LIMCH1: variants seen among roughly 807,000 people sequenced by gnomAD.
LIMCH1 encodes the protein LIM and calponin homology domains 1, also known as LIM and calponin homology domains-containing protein 1.
Under a neutral mutation model 176.5 loss-of-function variants are expected in LIMCH1, and 113 were observed. That is an observed-to-expected ratio of 0.64 (90% CI 0.55 to 0.75). The LOEUF is 0.75. Among genes scored for constraint, LIMCH1 ranks in the 30% least tolerant of loss-of-function variants. The pLI, the probability that LIMCH1 is intolerant of heterozygous loss-of-function variation, is 0.00. For missense variants in LIMCH1, 1,674 were observed against 1,814.9 expected (o/e 0.92, Z 1.41); for synonymous variants, 619 against 645.9 (o/e 0.96, Z 0.63).
chr4:41,666,808 T>C (rs1036292847), intron 21 of LIMCH1, 142 bp downstream of exon 21: 3 of 621,106 alleles, frequency 4.8e-6, no homozygotes, highest in Non-Finnish European at 8.5e-6. Context: ...GATAGCTGAA[T>C]TTATGACTTC....
At chr4:41,508,050 T>C (rs2074395455) in intron 2 of LIMCH1, among the ~76,000 whole-genome samples, 1 of 152,066 alleles carries the variant, frequency 6.6e-6, no homozygotes, top group Non-Finnish European at 1.5e-5. Context: ...AAGAATAACA[T>C]GATTGAAAAC....
Position 41,692,268 on chromosome 4 carries a change from TTTTTACCCTATAGTGTGGAA to T in LIMCH1, c.4276-10_4285del. On this transcript the variant is annotated splice_acceptor_variant and splice_polypyrimidine_tract_variant and coding_sequence_variant and intron_variant, in exon 31 of 32. Transcript: ENST00000503057. LOFTEE classifies it high-confidence loss of function. ...CTTATGCATCTTATGATGTCTGTTC[TTTTTACCCTATAGTGTGGAA>T]TTTGTAAAGGCCAGCTTGGAGATGC... 1 of 1,519,500 alleles carries T rather than the reference TTTTTACCCTATAGTGTGGAA, an allele frequency of 6.6e-7. No individual in the cohort carries two copies. The highest frequency in any genetic ancestry group is 9.1e-7 in the Non-Finnish European group (1 of 1,093,852). 94.1% of individuals were successfully genotyped at this position (1,519,500 alleles called of 1,614,324 possible). A position where few individuals can be genotyped will look rare whatever the true frequency, so the allele number is the denominator to read the frequency against.
chr4:41,446,747 A>C (rs2063329033), intron 1 of LIMCH1, among the ~76,000 whole-genome samples: 1 of 152,240 alleles, frequency 6.6e-6, no homozygotes, highest in Admixed American at 6.5e-5. Context: ...AAATGATAAA[A>C]GTCCTTAATA....
At chr4:41,630,551 G>A (rs1474191037) in intron 9 of LIMCH1, among the ~76,000 whole-genome samples, 3 of 152,168 alleles carry the variant, frequency 2.0e-5, no homozygotes, top group East Asian at 3.9e-4. Context: ...AGAGATGTTA[G>A]AATTGATGTT....
rs1731944733 is a variant in LIMCH1, at chr4:41,698,691, A to G, written c.*1506A>G. On this transcript the variant is annotated 3_prime_UTR_variant, in exon 32 of 32. Coordinates refer to ENST00000503057, the MANE Select transcript of LIMCH1 (RefSeq NM_001330672.2). ...ATAATTTTTCCGTGTCTTATTGAGTATGGCTAGCGATTATTTATTACATGC... is the reference window on the plus strand; with the variant it reads ...ATAATTTTTCCGTGTCTTATTGAGTGTGGCTAGCGATTATTTATTACATGC... 1 of 152,618 alleles carries G rather than the reference A, an allele frequency of 6.6e-6. No homozygotes were observed. The highest frequency in any genetic ancestry group is 2.1e-4 in the South Asian group (1 of 4,834). The allele number at this position is 152,618 out of a possible 1,614,324, so 9.5% of individuals were successfully genotyped here. A position where few individuals can be genotyped will look rare whatever the true frequency, so the allele number is the denominator to read the frequency against.
intron 14 of LIMCH1, among the ~76,000 whole-genome samples, chr4:41,641,365 A>G (rs1275694538): frequency 6.6e-6 from 1 of 152,160 alleles, no homozygotes; most frequent in Non-Finnish European, 1.5e-5. Context: ...TTCTAGTATT[A>G]TCAATTCTCA....
intron 1 of LIMCH1, among the ~76,000 whole-genome samples, chr4:41,552,620 G>A (rs182012138): frequency 1.3e-5 from 2 of 152,208 alleles, no homozygotes; most frequent in African/African-American, 4.8e-5. Flanking sequence ...TAAAAATTTT[G>A]TGACACAAAG....
At chr4:41,375,454 C>T (rs939548126) in intron 1 of LIMCH1, among the ~76,000 whole-genome samples, 14 of 152,136 alleles carry the variant, frequency 9.2e-5, no homozygotes, top group Non-Finnish European at 1.6e-4. Context: ...TTCAACTCTC[C>T]TTTCTTCCCA....
At chr4:41,428,169 A>G (rs2061288059) in intron 1 of LIMCH1, among the ~76,000 whole-genome samples, 1 of 152,196 alleles carries the variant, frequency 6.6e-6, no homozygotes, top group Non-Finnish European at 1.5e-5. Context: ...GGGATGCAGC[A>G]TTAGCTAGAG....
intron 5 of LIMCH1, among the ~76,000 whole-genome samples, chr4:41,614,533 A>G (rs2152803252): frequency 6.6e-6 from 1 of 152,308 alleles, no homozygotes; most frequent in East Asian, 1.9e-4. Flanking sequence ...TCTAGCTAAT[A>G]TATCTTAAGC....
chr4:41,603,180 T>C (rs1467314418), intron 2 of LIMCH1, among the ~76,000 whole-genome samples: 1 of 152,210 alleles, frequency 6.6e-6, no homozygotes, highest in African/African-American at 2.4e-5. Flanking sequence ...CAGTTTGTTT[T>C]TTCTAGTGTG....
chr4:41,535,858 G>C (rs889670063), upstream of LIMCH1, among the ~76,000 whole-genome samples: 1 of 152,114 alleles, frequency 6.6e-6, no homozygotes, highest in Non-Finnish European at 1.5e-5. Context: ...TAGCAGTGCT[G>C]TAAAGCTTTT....
rs2093983864 is a variant in LIMCH1 at position 41,644,615 on chromosome 4, A to G, written c.2242A>G (p.Lys748Glu). ...TAACCAGCTGAGGGAAGAGGACGAC[A>G]AATGGCAAGATGTGAGTTGTGGCCA... ...INNQLREEDD[K>E]WQDDLARWKS... is the part of the protein sequence containing the mutation. The change falls in exon 15 of 32, where the codon AAA becomes GAA. Residue 748 changes from lysine to glutamate, a missense_variant. Physicochemically the swap from Lys to Glu is moderately conservative, Grantham distance 56 (BLOSUM62 1). Around this residue, in one of 3 missense-constraint regions of LIMCH1, gnomAD observed 1,015 missense variants for 1,102.5 expected, o/e 0.92. Coordinates refer to ENST00000503057, the MANE Select transcript of LIMCH1 (RefSeq NM_001330672.2). 2.5e-6 allele frequency: 4 copies of G among 1,611,536 alleles called. No individual in the cohort carries two copies. The South Asian group carries it at 3.3e-5, about 13-fold the overall frequency.
Position 41,640,029 on chromosome 4 carries a change from C to T in LIMCH1, c.2126+1062C>T, listed in dbSNP as rs189812594. 2.0e-4 allele frequency among the ~76,000 whole-genome samples: 31 copies of T among 152,298 alleles called. No individual in the cohort carries two copies. The East Asian group carries it at 6.0e-3, about 29-fold the overall frequency. ...AAGTGTCTTCAGATTGTGCTATTTT[C>T]ATGTTTGTGTTCAAGATGTCTGCTT... On this transcript the variant is annotated intron_variant, in intron 14 of 31. Transcript: ENST00000503057.
chr4:41,600,598 C>CA (rs1178940378), intron 2 of LIMCH1, among the ~76,000 whole-genome samples: 2 of 152,116 alleles, frequency 1.3e-5, no homozygotes, highest in East Asian at 3.9e-4. Context: ...TGCTTATCTA[C>CA]AAAAAACTGG....
At chr4:41,567,075 A>G (rs972345164) in intron 1 of LIMCH1, among the ~76,000 whole-genome samples, 1 of 152,224 alleles carries the variant, frequency 6.6e-6, no homozygotes, top group Non-Finnish European at 1.5e-5. Flanking sequence ...GAGAACTAGC[A>G]AGGGCTCTGC....
At position 41,689,601 on chromosome 4, in the gene LIMCH1, C is replaced by A. The variant is rs1228953933; in HGVS notation, c.4241C>A (p.Thr1414Asn). The change falls in exon 30 of 32, where the codon ACC (threonine) becomes AAC (asparagine). Residue 1414 changes from threonine to asparagine, a missense_variant. Physicochemically the swap from Thr to Asn is moderately conservative, Grantham distance 65. Around this residue, in one of 3 missense-constraint regions of LIMCH1, gnomAD observed 1,015 missense variants for 1,102.5 expected, o/e 0.92. Transcript: ENST00000503057. ...AAAGGAGCTGCAATGATCATCGAGA[C>A]CCTCAATCTCTATTTTCACATCCAG... ...LGKGAAMIIETLNLYFHIQCF... is the reference protein window; with the variant it reads ...LGKGAAMIIENLNLYFHIQCF... The A allele has an allele frequency of 6.2e-7, 1 of 1,610,756 alleles. No homozygotes were observed. The highest frequency in any genetic ancestry group is 1.1e-5 in the South Asian group (1 of 91,026).
chr4:41,493,212 T>G (rs1252825022), intron 1 of LIMCH1, among the ~76,000 whole-genome samples: 1 of 152,148 alleles, frequency 6.6e-6, no homozygotes, highest in African/African-American at 2.4e-5. Flanking sequence ...TGGTCAGGTT[T>G]AAGTCTATAA....
chr4:41,465,914 C>T (rs1009079679), intron 1 of LIMCH1, among the ~76,000 whole-genome samples: 18 of 150,704 alleles, frequency 1.2e-4, no homozygotes, highest in African/African-American at 4.4e-4. Context: ...ATAGTTGTGA[C>T]AGTGTCTCTT....
Sources: gnomAD v4.1 joint callset for allele counts (sites outside exome capture counted in the v4.1 genomes callset) on GRCh38, gnomAD v4.1.1 for gene constraint, gnomAD v4.1.1 regional missense constraint, MANE v1.5 for transcripts, NCBI Gene and HGNC (gene_info 2026-07-23, HGNC 2026-07-21) for gene names.